PCDH7: variants seen among roughly 807,000 people sequenced by gnomAD.
PCDH7 encodes protocadherin-7.
PCDH7 carries 17 observed loss-of-function variants against 58.9 expected under a neutral mutation model. The ratio of observed to expected loss-of-function variants is 0.29; its 90% CI spans 0.20 to 0.43. The LOEUF is 0.43. PCDH7 is among the 20% of genes least tolerant of loss of function. The pLI, the probability that PCDH7 is intolerant of heterozygous loss-of-function variation, is 1.00. For missense variants in PCDH7, 1,274 were observed against 1,441.0 expected, an observed-to-expected ratio of 0.88 and a Z score of 1.88; for synonymous variants, 664 against 616.4, an observed-to-expected ratio of 1.08 and a Z score of -1.14.
chr4:30,817,310 A>G (rs1341375169), intron 1 of PCDH7, among the ~76,000 whole-genome samples: 1 of 152,160 alleles, frequency 6.6e-6, no homozygotes, highest in Non-Finnish European at 1.5e-5. Flanking sequence ...GCTTTTACTT[A>G]TAGTGCTCAA....
At chr4:30,993,787 G>A (rs1005776823) in intron 3 of PCDH7, among the ~76,000 whole-genome samples, 1 of 151,700 alleles carries the variant, frequency 6.6e-6, no homozygotes, top group African/African-American at 2.4e-5. Flanking sequence ...AACTCTGAGA[G>A]TTGGAACATT....
intron 3 of PCDH7, among the ~76,000 whole-genome samples, chr4:31,105,975 C>T (rs1715511595): frequency 1.3e-5 from 2 of 150,356 alleles, no homozygotes; most frequent in Non-Finnish European, 2.9e-5. Context: ...CCACTGCACT[C>T]CAGCCTAGGT....
At chr4:31,085,609 G>A (rs968614943) in intron 3 of PCDH7, among the ~76,000 whole-genome samples, 6 of 152,070 alleles carry the variant, frequency 3.9e-5, no homozygotes, top group Non-Finnish European at 8.8e-5. Context: ...ACTGTCTCAG[G>A]CATAATTTTC....
chr4:30,868,484 G>A (rs1004835362), intron 1 of PCDH7, among the ~76,000 whole-genome samples: 1 of 152,062 alleles, frequency 6.6e-6, no homozygotes, highest in South Asian at 2.1e-4. Context: ...CTCTGACAAG[G>A]AATGTTCAGT....
At chr4:30,812,051 A>G (rs577395822) in intron 1 of PCDH7, among the ~76,000 whole-genome samples, 1 of 152,350 alleles carries the variant, frequency 6.6e-6, no homozygotes, top group South Asian at 2.1e-4. Context: ...GTGAATGAAA[A>G]GTTACATTAT....
At chr4:30,939,026 A>T (rs1745711363) in intron 2 of PCDH7, among the ~76,000 whole-genome samples, 2 of 152,096 alleles carry the variant, frequency 1.3e-5, no homozygotes, top group Admixed American at 6.6e-5. Flanking sequence ...TGGACTGCTC[A>T]AGTACTTCAT....
intron 1 of PCDH7, among the ~76,000 whole-genome samples, chr4:30,900,465 A>G (rs1270084059): frequency 1.3e-5 from 2 of 152,170 alleles, no homozygotes; most frequent in Non-Finnish European, 2.9e-5. Context: ...TATTCTTGAA[A>G]TATATACTAC....
At chr4:31,097,121 A>C (rs1031964260) in intron 3 of PCDH7, among the ~76,000 whole-genome samples, 4 of 152,124 alleles carry the variant, frequency 2.6e-5, no homozygotes, top group Non-Finnish European at 4.4e-5. Context: ...GACAAATAGA[A>C]AGTATGTGCC....
chr4:31,077,445 A>G (rs1273115668), intron 3 of PCDH7, among the ~76,000 whole-genome samples: 1 of 152,024 alleles, frequency 6.6e-6, no homozygotes, highest in Non-Finnish European at 1.5e-5. Context: ...AAAAGAAAAA[A>G]AATATGCAAG....
chr4:30,880,120 C>T (rs771835889), intron 1 of PCDH7, among the ~76,000 whole-genome samples: 56 of 151,986 alleles, frequency 3.7e-4, no homozygotes, highest in Non-Finnish European at 4.9e-4. Flanking sequence ...TGAATTTTAA[C>T]TTCTTGGGAA....
chr4:31,002,407 C>T (rs982723879), intron 3 of PCDH7, among the ~76,000 whole-genome samples: 1 of 152,186 alleles, frequency 6.6e-6, no homozygotes, highest in African/African-American at 2.4e-5. Context: ...CACAAGCCTC[C>T]AGTATATTTA....
chr4:31,113,463 C>G (rs1375135671), intron 3 of PCDH7, among the ~76,000 whole-genome samples: 1 of 152,156 alleles, frequency 6.6e-6, no homozygotes, highest in Non-Finnish European at 1.5e-5. Flanking sequence ...TCATGTAGGA[C>G]ATGTTGGTAA....
chr4:30,846,479 C>G (rs1469014213), intron 1 of PCDH7, among the ~76,000 whole-genome samples: 1 of 149,788 alleles, frequency 6.7e-6, no homozygotes, highest in Admixed American at 6.7e-5. Context: ...GACTCCAGAA[C>G]TGTGAGTTTT....
intron 3 of PCDH7, among the ~76,000 whole-genome samples, chr4:31,022,931 A>G (rs1006684692): frequency 2.0e-5 from 3 of 152,222 alleles, no homozygotes; most frequent in African/African-American, 7.2e-5. Flanking sequence ...AGATGAAGGA[A>G]AAGCACGGGA....
At chr4:30,823,391 T>A (rs906557677) in intron 1 of PCDH7, among the ~76,000 whole-genome samples, 14 of 152,134 alleles carry the variant, frequency 9.2e-5, no homozygotes, top group Non-Finnish European at 2.9e-5. Context: ...CACCGGTACT[T>A]TTTGCAGTTC....
chr4:31,141,739 T>C (rs1403184194), intron 3 of PCDH7, among the ~76,000 whole-genome samples: 2 of 152,112 alleles, frequency 1.3e-5, no homozygotes, highest in African/African-American at 4.8e-5. Flanking sequence ...ATTCACCCAG[T>C]ACATTACATT....
intron 1 of PCDH7, among the ~76,000 whole-genome samples, chr4:30,860,263 G>A (rs537049028): frequency 1.1e-4 from 16 of 152,038 alleles, no homozygotes; most frequent in South Asian, 4.1e-4. Context: ...CTCCAGGGAG[G>A]GTCTAAAAAG....
chr4:30,923,768 A>T (rs1173070546), intron 2 of PCDH7, among the ~76,000 whole-genome samples: 1 of 152,120 alleles, frequency 6.6e-6, no homozygotes, highest in East Asian at 1.9e-4. Context: ...TTTGCCTTTA[A>T]TTATCATCAT....
intron 1 of PCDH7, among the ~76,000 whole-genome samples, chr4:30,727,058 G>A (rs748828588): frequency 1.7e-4 from 26 of 151,856 alleles, no homozygotes; most frequent in Non-Finnish European, 3.7e-4. Flanking sequence ...TCAGGGTTTC[G>A]CGGGAATTTC....
Sources: allele counts gnomAD v4.1 joint callset (sites outside exome capture counted in the v4.1 genomes callset), GRCh38; gene constraint gnomAD v4.1.1; transcripts MANE v1.5; gene names NCBI Gene and HGNC (gene_info 2026-07-23, HGNC 2026-07-21).